The following KRT86 variants were observed in gnomAD, a reference collection of about 807,000 sequenced individuals.
KRT86 encodes keratin 86.
A neutral mutation model predicts 41.2 loss-of-function variants in KRT86; 30 were observed. The observed-to-expected ratio is 0.73, with a 90% CI of 0.54 to 0.99. The LOEUF is 0.99. Ranked by LOEUF, KRT86 falls within the 50% of genes least tolerant of loss-of-function variation. The pLI is 0.00. For synonymous variants in KRT86, 238 were observed against 238.1 expected, an observed-to-expected ratio of 1.00 and a Z score of 0.00; for missense variants, 561 against 571.4, an observed-to-expected ratio of 0.98 and a Z score of 0.19.
At chr12:52,286,583 T>C in intron 2 of KRT86, 1 of 1,371,090 alleles carries the variant, frequency 7.3e-7, no homozygotes, top group South Asian at 1.2e-5. Flanking sequence ...TGAGCTCTGG[T>C]ATGAAAAGTC....
At chr12:52,282,698 C>A (rs775988418) in intron 2 of KRT86, among the ~76,000 whole-genome samples, 3 of 152,162 alleles carry the variant, frequency 2.0e-5, no homozygotes, top group Non-Finnish European at 4.4e-5. Context: ...CCTAGTATGA[C>A]CCCCAGCAGC....
In KRT86 at chr12:52,306,043, C is replaced by T; in HGVS notation, c.1027-17C>T. On this transcript the variant is annotated splice_polypyrimidine_tract_variant and intron_variant, in intron 8 of 10. Coordinates refer to ENST00000423955, the MANE Select transcript of KRT86 (RefSeq NM_001320198.2). Reference sequence around the variant, plus strand: ...CCCAGGGACTCTAATCTACCTTGTTCTCTCTGTTCTCTTCAGAATTCCAAG... The same window carrying T: ...CCCAGGGACTCTAATCTACCTTGTTTTCTCTGTTCTCTTCAGAATTCCAAG... 2 of 1,613,606 alleles carry T rather than the reference C, an allele frequency of 1.2e-6. No individual in the cohort carries two copies. The highest frequency in any genetic ancestry group is 2.2e-5 in the East Asian group (1 of 44,874).
intron 2 of KRT86, among the ~76,000 whole-genome samples, chr12:52,280,760 A>G (rs1298793496): frequency 6.6e-6 from 1 of 152,196 alleles, no homozygotes; most frequent in Admixed American, 6.5e-5. Flanking sequence ...AGATTCTTTC[A>G]AGATTCTTTA....
Position 52,304,797 on chromosome 12 carries a change from A to G in KRT86, c.640-135A>G, listed in dbSNP as rs576163583. On this transcript the variant is annotated intron_variant, in intron 5 of 10. Transcript: ENST00000423955. ...GCCAGGTCACCCCGGGAAGGGCCAG[A>G]AGGGAAGGAGAGGGCATGGGAATGA... 2.5e-4 allele frequency: 250 copies of G among 1,015,270 alleles called. 4 individuals are homozygous for G. The South Asian group carries it at 3.1e-3, about 13-fold the overall frequency. The allele number at this position is 1,015,270 out of a possible 1,614,324, so 62.9% of individuals were successfully genotyped here. A position where few individuals can be genotyped will look rare whatever the true frequency, so the allele number is the denominator to read the frequency against.
At chr12:52,298,886 C>G (rs4325349) in intron 2 of KRT86, among the ~76,000 whole-genome samples, 104,171 of 152,058 alleles carry the variant, frequency 0.69, 35,982 homozygotes, top group African/African-American at 0.78. Flanking sequence ...TAAGCATAAA[C>G]TGTGTACTGA....
At chr12:52,296,844 C>A (rs1938262352) in intron 2 of KRT86, among the ~76,000 whole-genome samples, 1 of 152,214 alleles carries the variant, frequency 6.6e-6, no homozygotes, top group African/African-American at 2.4e-5. Flanking sequence ...AAGGGCATGG[C>A]CCTCTGGAGA....
intron 5 of KRT86, among the ~76,000 whole-genome samples, chr12:52,304,585 C>T (rs1013311181): frequency 2.0e-5 from 3 of 151,794 alleles, no homozygotes; most frequent in African/African-American, 7.3e-5. Context: ...CCAGGAGTAG[C>T]CCTTGGGCTT....
At chr12:52,283,054 A>G (rs1210461261) in intron 2 of KRT86, among the ~76,000 whole-genome samples, 1 of 151,986 alleles carries the variant, frequency 6.6e-6, no homozygotes, top group East Asian at 1.9e-4. Flanking sequence ...TGAAACCTGG[A>G]CTCCCCATTT....
At chr12:52,306,521 A>T in intron 9 of KRT86, 1 of 659,822 alleles carries the variant, frequency 1.5e-6, no homozygotes, top group South Asian at 2.0e-5. Context: ...ATCTGGCAGC[A>T]GGTATTCCTG....
intron 3 of KRT86, among the ~76,000 whole-genome samples, chr12:52,302,841 T>TAGG (rs1555187690): frequency 2.4e-5 from 3 of 127,144 alleles, no homozygotes; most frequent in African/African-American, 8.8e-5. Flanking sequence ...GGGTGGGGGG[T>TAGG]GGGGGGGGGG....
At chr12:52,294,637 G>T (rs1298357448) in intron 2 of KRT86, among the ~76,000 whole-genome samples, 1 of 152,136 alleles carries the variant, frequency 6.6e-6, no homozygotes, top group Non-Finnish European at 1.5e-5. Context: ...AAAATGCATA[G>T]GTGGTTAGAT....
chr12:52,304,834 C>A lies in KRT86; in HGVS notation c.640-98C>A, dbSNP rs1186173874. ...GGGCATGGGAATGAGACACTGGGGA[C>A]TCCTTTCCCCAGGCTTCATGGAATG... is the stretch of plus-strand genomic sequence containing the variant. On this transcript the variant is annotated intron_variant, in intron 5 of 10. Coordinates refer to ENST00000423955, the MANE Select transcript of KRT86 (RefSeq NM_001320198.2). 20 of 1,320,636 alleles carry A rather than the reference C, an allele frequency of 1.5e-5. No individual in the cohort carries two copies. In the African/African-American group the frequency reaches 2.5e-4, roughly 16 times the overall value. 81.8% of individuals were successfully genotyped at this position (1,320,636 alleles called of 1,614,324 possible).
chr12:52,284,271 C>T (rs1053888496), intron 2 of KRT86, among the ~76,000 whole-genome samples: 12 of 152,162 alleles, frequency 7.9e-5, no homozygotes, highest in African/African-American at 2.4e-4. Flanking sequence ...GCTCACTGTG[C>T]GGCTTCAACT....
chr12:52,287,206 G>A (rs777752536), intron 2 of KRT86: 2 of 1,614,004 alleles, frequency 1.2e-6, no homozygotes, highest in South Asian at 2.2e-5. Flanking sequence ...GGCAGGCCAT[G>A]TCCTGCTTGG....
chr12:52,301,849 C>G (rs557287445), intron 2 of KRT86, 64 bp from the exon 3 acceptor site: 2 of 1,613,380 alleles, frequency 1.2e-6, no homozygotes, highest in South Asian at 1.1e-5. Flanking sequence ...CGCCTGACGC[C>G]CCGACCACTG....
intron 2 of KRT86, among the ~76,000 whole-genome samples, chr12:52,282,724 C>T (rs537587726): frequency 4.2e-4 from 64 of 152,314 alleles, no homozygotes; most frequent in Middle Eastern, 3.4e-3. Context: ...CCCATCACTA[C>T]GCCCACTTTA....
intron 8 of KRT86, 78 bp downstream of exon 8, chr12:52,305,866 G>A (rs747442286): frequency 1.2e-6 from 2 of 1,612,142 alleles, no homozygotes; most frequent in African/African-American, 1.3e-5. Context: ...GCCCTATCTG[G>A]ATCTCAGCAT....
In KRT86 at chr12:52,301,846, C is replaced by T. The variant is rs1894033; in HGVS notation, c.-4-67C>T. The T allele has an allele frequency of 0.16, 250,056 of 1,612,870 alleles. 20,286 individuals are homozygous for T. The highest frequency in any genetic ancestry group is 0.24 in the South Asian group (21,634 of 91,054). ...AGAGGTGCAAGTAGTGAACGCCTGA[C>T]GCCCCGACCACTGTGCTCTCCATTC... On this transcript the variant is annotated intron_variant, in intron 2 of 10. Coordinates refer to ENST00000423955, the MANE Select transcript of KRT86 (RefSeq NM_001320198.2).
At chr12:52,286,463 CA>C in intron 2 of KRT86, 1 of 1,552,524 alleles carries the variant, frequency 6.4e-7, no homozygotes, top group Non-Finnish European at 8.7e-7. Context: ...GAGGTCCCCG[CA>C]CACGACCCCG....
Sources: gnomAD v4.1 joint callset for allele counts (sites outside exome capture counted in the v4.1 genomes callset) on GRCh38, gnomAD v4.1.1 for gene constraint, MANE v1.5 for transcripts, NCBI Gene and HGNC (gene_info 2026-07-23, HGNC 2026-07-21) for gene names.